HERC1: variants seen among roughly 807,000 people sequenced by gnomAD.
HERC1 encodes HECT and RLD domain containing E3 ubiquitin protein ligase family member 1.
Under a neutral mutation model 554.3 loss-of-function variants are expected in HERC1, and 160 were observed. That is an observed-to-expected ratio of 0.29 (90% CI 0.25 to 0.33). The LOEUF is 0.33. HERC1 is among the 10% of genes least tolerant of loss of function. The probability of loss-of-function intolerance (pLI) is 1.00; values close to 1 mark genes in which losing one functional copy is unlikely to be tolerated. For missense variants in HERC1, 4,919 were observed against 5,918.5 expected (o/e 0.83, Z 5.54); for synonymous variants, 2,175 against 2,131.7 (o/e 1.02, Z -0.56).
chr15:63,651,133 G>A lies in HERC1; in HGVS notation c.10546+120C>T, dbSNP rs2069653231. 8.3e-6 allele frequency: 7 copies of A among 841,050 alleles called. No homozygotes were observed. In the Admixed American group the frequency reaches 1.7e-4, roughly 20 times the overall value. 52.1% of individuals were successfully genotyped at this position (841,050 alleles called of 1,614,324 possible). The stretch of plus-strand genomic sequence containing the variant: ...ACAGTGCATAGATTGAAATTTCAGA[G>A]TTGTTGGAAGGCTTGTGAATTTCAA... On this transcript the variant is annotated intron_variant, in intron 53 of 77. Coordinates refer to ENST00000443617, the MANE Select transcript of HERC1 (RefSeq NM_003922.4).
At chr15:63,686,968 A>G (rs1567013370) in intron 33 of HERC1, among the ~76,000 whole-genome samples, 2 of 152,234 alleles carry the variant, frequency 1.3e-5, no homozygotes, top group African/African-American at 4.8e-5. Flanking sequence ...GACATGCAAC[A>G]GAGTTCAGTG....
At chr15:63,658,865 G>A in intron 47 of HERC1, 147 bp from the exon 48 acceptor site, 4 of 528,314 alleles carry the variant, frequency 7.6e-6, no homozygotes, top group Non-Finnish European at 1.3e-5. Flanking sequence ...AAATTTCTTA[G>A]GAGAAACTCA....
At chr15:63,814,716 G>T (rs543903991) in intron 1 of HERC1, among the ~76,000 whole-genome samples, 2 of 151,996 alleles carry the variant, frequency 1.3e-5, no homozygotes. Flanking sequence ...TTATCTGCCC[G>T]CCTCGGCCTC....
chr15:63,715,841 T>C (rs963886350), intron 22 of HERC1, among the ~76,000 whole-genome samples: 2 of 152,240 alleles, frequency 1.3e-5, no homozygotes, highest in Non-Finnish European at 2.9e-5. Context: ...TCTTGCTCCC[T>C]ATCGAAACAG....
intron 1 of HERC1, among the ~76,000 whole-genome samples, chr15:63,790,437 G>T (rs962742695): frequency 3.6e-4 from 55 of 152,050 alleles, no homozygotes; most frequent in African/African-American, 1.2e-3. Context: ...ATTAGCCGGG[G>T]GTAGTGGCGG....
chr15:63,651,339 G>C lies in HERC1; in HGVS notation c.10460C>G (p.Pro3487Arg). 1 of 1,613,642 alleles carries C rather than the reference G, an allele frequency of 6.2e-7. No homozygotes were observed. The highest frequency in any genetic ancestry group is 8.5e-7 in the Non-Finnish European group (1 of 1,179,638). The change falls in exon 53 of 78, where the codon CCA becomes CGA. Residue 3487 changes from proline (P) to arginine (R), a missense_variant. Physicochemically the swap from Pro to Arg is moderately radical, Grantham distance 103 (BLOSUM62 -2). Coordinates refer to ENST00000443617, the MANE Select transcript of HERC1 (RefSeq NM_003922.4). ...AEESLGSPSD[P>R]SFSPVSWSIS... The stretch of plus-strand genomic sequence containing the variant: ...ACTCCAGGAAACTGGTGAGAAACTT[G>C]GATCACTGGGTGATCCCAGGCTTTC...
At chr15:63,640,557 G>T in intron 60 of HERC1, 112 bp from the exon 61 acceptor site, 1 of 882,986 alleles carries the variant, frequency 1.1e-6, no homozygotes. Context: ...TACTGTTTAA[G>T]CTTTTTGCTA....
At chr15:63,784,170 AAATCT>A (rs1292535567) in intron 1 of HERC1, among the ~76,000 whole-genome samples, 1 of 152,188 alleles carries the variant, frequency 6.6e-6, no homozygotes, top group African/African-American at 2.4e-5. Context: ...CCAAGATGAT[AAATCT>A]AATCTAAAAT....
intron 1 of HERC1, among the ~76,000 whole-genome samples, chr15:63,776,242 G>A (rs552364398): frequency 2.0e-5 from 3 of 152,118 alleles, no homozygotes; most frequent in East Asian, 1.9e-4. Context: ...CTATCTAACA[G>A]TTTTGGTTAT....
At chr15:63,610,058 T>C (rs1372025264) in intron 77 of HERC1, among the ~76,000 whole-genome samples, 1 of 152,020 alleles carries the variant, frequency 6.6e-6, no homozygotes, top group African/African-American at 2.4e-5. Flanking sequence ...CTTGCAAACA[T>C]AACTATTTTC....
At chr15:63,772,135 G>A (rs1215133607) in intron 2 of HERC1, among the ~76,000 whole-genome samples, 3 of 151,560 alleles carry the variant, frequency 2.0e-5, no homozygotes, top group Admixed American at 6.6e-5. Context: ...AAAAAAAAAG[G>A]GAAAAAGGAA....
chr15:63,779,235 G>T (rs1368292722), intron 1 of HERC1, among the ~76,000 whole-genome samples: 4 of 151,890 alleles, frequency 2.6e-5, no homozygotes. Flanking sequence ...TTCTAAAATA[G>T]AAAAAATATC....
intron 51 of HERC1, among the ~76,000 whole-genome samples, chr15:63,653,882 T>C (rs1459635049): frequency 6.6e-6 from 1 of 152,210 alleles, no homozygotes; most frequent in East Asian, 1.9e-4. Flanking sequence ...TCCTTTGGTT[T>C]TCTTCTCATC....
At chr15:63,726,288 C>T (rs1272946578) in intron 17 of HERC1, among the ~76,000 whole-genome samples, 1 of 152,102 alleles carries the variant, frequency 6.6e-6, no homozygotes, top group Non-Finnish European at 1.5e-5. Context: ...GGCCCAGATC[C>T]ATGCTTTTTT....
chr15:63,701,271 A>C (rs187145899), intron 25 of HERC1, among the ~76,000 whole-genome samples: 2 of 152,288 alleles, frequency 1.3e-5, no homozygotes, highest in East Asian at 3.9e-4. Context: ...AGTCTTACAT[A>C]TTCATTATTA....
intron 77 of HERC1, among the ~76,000 whole-genome samples, chr15:63,610,780 A>G (rs1172779603): frequency 6.6e-6 from 1 of 152,182 alleles, no homozygotes; most frequent in Non-Finnish European, 1.5e-5. Flanking sequence ...AAGAGGCCCC[A>G]CTTCCCTTAC....
chr15:63,698,673 T>C (rs769776843), intron 26 of HERC1, 55 bp downstream of exon 26: 75 of 1,520,788 alleles, frequency 4.9e-5, no homozygotes, highest in Middle Eastern at 1.7e-4. Flanking sequence ...ATACATTCAA[T>C]GGTTCAGTTT....
Position 63,775,253 on chromosome 15 carries a change from T to C in HERC1, c.371A>G (p.Lys124Arg), listed in dbSNP as rs758590749. ...FYALSNKYHDKGKVKQQQHSP... is the reference protein window; with the variant it reads ...FYALSNKYHDRGKVKQQQHSP... ...ATGCTGCTGCTGCTTCACCTTGCCT[T>C]TGTCATGGTATTTATTAGAAAGTGC... The change falls in exon 2 of 78, where the codon AAA becomes AGA. Residue 124 changes from lysine to arginine, a missense_variant. Physicochemically the swap from Lys to Arg is conservative, Grantham distance 26. Coordinates refer to ENST00000443617, the MANE Select transcript of HERC1 (RefSeq NM_003922.4). This position sits in a 1 kb window ranked among gnomAD's most constrained non-coding sequence, Gnocchi z 4.0. The C allele has an allele frequency of 1.9e-6, 3 of 1,614,040 alleles. No individual in the cohort carries two copies. In the East Asian group the frequency reaches 6.7e-5, roughly 36 times the overall value.
At chr15:63,759,538 T>G (rs970275512) in intron 3 of HERC1, among the ~76,000 whole-genome samples, 1 of 152,230 alleles carries the variant, frequency 6.6e-6, no homozygotes, top group Admixed American at 6.5e-5. Flanking sequence ...GCCCTTATCT[T>G]AACTTCACAT....
Sources: allele counts gnomAD v4.1 joint callset (sites outside exome capture counted in the v4.1 genomes callset), GRCh38; gene constraint gnomAD v4.1.1; non-coding constraint Gnocchi (gnomAD v3.1); transcripts MANE v1.5; gene names NCBI Gene and HGNC (gene_info 2026-07-23, HGNC 2026-07-21).